RGS12: variants seen among roughly 807,000 people sequenced by gnomAD.
RGS12 encodes the protein regulator of G-protein signaling 12.
Under a neutral mutation model 120.1 loss-of-function variants are expected in RGS12, and 66 were observed. The ratio of observed to expected loss-of-function variants is 0.55; its 90% CI spans 0.45 to 0.67. The LOEUF is 0.67. Ranked by LOEUF, RGS12 falls within the 30% of genes least tolerant of loss-of-function variation. The probability of loss-of-function intolerance (pLI) is 0.00; values close to 1 mark genes in which losing one functional copy is unlikely to be tolerated. For synonymous variants in RGS12, 827 were observed against 804.7 expected, an observed-to-expected ratio of 1.03 and a Z score of -0.47; for missense variants, 1,859 against 1,957.7, an observed-to-expected ratio of 0.95 and a Z score of 0.95.
intron 1 of RGS12, among the ~76,000 whole-genome samples, chr4:3,294,730 A>G (rs892929311): frequency 3.0e-4 from 45 of 152,212 alleles, no homozygotes; most frequent in Non-Finnish European, 8.8e-5. Context: ...AGACCTCCTG[A>G]GGCTGGAACC....
chr4:3,429,978 G>A (rs1017724622), intron 16 of RGS12, among the ~76,000 whole-genome samples: 1 of 152,230 alleles, frequency 6.6e-6, no homozygotes, highest in East Asian at 1.9e-4. Context: ...GACTGCAGCT[G>A]CAGCTGGGAC....
At chr4:3,325,692 A>G (rs1560087777) in intron 2 of RGS12, among the ~76,000 whole-genome samples, 1 of 152,196 alleles carries the variant, frequency 6.6e-6, no homozygotes, top group Non-Finnish European at 1.5e-5. Flanking sequence ...TCATTTTATG[A>G]GGCCAGTATC....
intron 15 of RGS12, 100 bp from the exon 16 acceptor site, chr4:3,428,458 A>G (rs1041122945): frequency 6.5e-5 from 69 of 1,064,262 alleles, no homozygotes; most frequent in Admixed American, 1.4e-4. Flanking sequence ...TTCTGTATCA[A>G]TGCAATCTAT....
At chr4:3,364,518 T>C (rs1716095875) in intron 3 of RGS12, among the ~76,000 whole-genome samples, 1 of 150,776 alleles carries the variant, frequency 6.6e-6, no homozygotes, top group Non-Finnish European at 1.5e-5. Context: ...CTTGGGAGAG[T>C]TGAACAAACA....
intron 4 of RGS12, among the ~76,000 whole-genome samples, chr4:3,387,469 T>C (rs1396007476): frequency 6.6e-6 from 1 of 152,218 alleles, no homozygotes; most frequent in Non-Finnish European, 1.5e-5. Context: ...TCAGAGCCCT[T>C]GTGGGCCAGC....
intron 3 of RGS12, among the ~76,000 whole-genome samples, chr4:3,369,516 T>C (rs1217042540): frequency 6.6e-6 from 1 of 152,094 alleles, no homozygotes; most frequent in Non-Finnish European, 1.5e-5. Flanking sequence ...TGGCGAAGCT[T>C]CCCTCAACCT....
At chr4:3,362,350 CGTGTGAGGGTGT>C (rs1715658738) in intron 3 of RGS12, among the ~76,000 whole-genome samples, 2 of 151,294 alleles carry the variant, frequency 1.3e-5, no homozygotes, top group Non-Finnish European at 3.0e-5. Context: ...AGAGTGTGTG[CGTGTGAGGGTGT>C]GTGTGAGGGT....
chr4:3,286,001 C>T, the RGS12 span, among the ~76,000 whole-genome samples: 20 of 152,354 alleles, frequency 1.3e-4, no homozygotes, highest in African/African-American at 3.4e-4. Flanking sequence ...TGCCGGGCTG[C>T]GCTCCAGGGA....
At chr4:3,362,803 A>G (rs60208975) in intron 3 of RGS12, among the ~76,000 whole-genome samples, 93,519 of 138,668 alleles carry the variant, frequency 0.67, 31,211 homozygotes, top group African/African-American at 0.81. Flanking sequence ...GTGTGTGAAT[A>G]TGAGAGTGAG....
intron 17 of RGS12, among the ~76,000 whole-genome samples, chr4:3,435,142 T>C (rs1167165613): frequency 6.6e-6 from 1 of 152,114 alleles, no homozygotes; most frequent in Non-Finnish European, 1.5e-5. Flanking sequence ...AGGAACACTT[T>C]TGGGCCCAGT....
chr4:3,425,088 TA>T (rs1272933842), intron 13 of RGS12, among the ~76,000 whole-genome samples: 1 of 152,252 alleles, frequency 6.6e-6, no homozygotes, highest in African/African-American at 2.4e-5. Context: ...AACCTGGTCC[TA>T]AAGTTGTCTG....
At chr4:3,436,456 C>T (rs1724813947) in intron 17 of RGS12, among the ~76,000 whole-genome samples, 2 of 152,086 alleles carry the variant, frequency 1.3e-5, no homozygotes, top group African/African-American at 2.4e-5. Context: ...AGCATGGAGG[C>T]AGAGGCTGAG....
intron 4 of RGS12, among the ~76,000 whole-genome samples, chr4:3,400,286 G>T (rs1720448583): frequency 6.6e-6 from 1 of 152,178 alleles, no homozygotes; most frequent in Non-Finnish European, 1.5e-5. Flanking sequence ...ATTTTTTAAT[G>T]CATCCTTGTG....
At chr4:3,309,368 G>A (rs1356131212) in intron 1 of RGS12, among the ~76,000 whole-genome samples, 90 of 136,792 alleles carry the variant, frequency 6.6e-4, no homozygotes, top group Non-Finnish European at 8.0e-4. Context: ...TCCGCTGAGG[G>A]GAACCGTGCA....
At chr4:3,406,681 G>A (rs16844278) in intron 4 of RGS12, among the ~76,000 whole-genome samples, 2 of 152,192 alleles carry the variant, frequency 1.3e-5, no homozygotes, top group Admixed American at 1.3e-4. Flanking sequence ...TGGTGTTAGC[G>A]GATGTTTCCT....
rs1724540591 is a variant in RGS12, at chr4:3,433,594, AGCCCC to A, written c.4114+2640_4114+2644del. On this transcript the variant is annotated intron_variant, in intron 17 of 17. Coordinates refer to ENST00000336727, the MANE Select transcript of RGS12 (RefSeq NM_001394154.1). The surrounding 1 kb of genome is among the most constrained non-coding windows in gnomAD (Gnocchi z 4.4). ...ACCACGTGCCATGCCACCCTGTCCT[AGCCCC>A]AGTGCCACATGCCACACCACCCCAT... Among the ~76,000 whole-genome samples, 1 of 150,950 alleles carries A rather than the reference AGCCCC, an allele frequency of 6.6e-6. No homozygotes were observed.
At chr4:3,340,609 T>C (rs1560098410) in intron 2 of RGS12, among the ~76,000 whole-genome samples, 1 of 152,160 alleles carries the variant, frequency 6.6e-6, no homozygotes, top group Non-Finnish European at 1.5e-5. Flanking sequence ...TCAAGGTGCC[T>C]GCCATCAGGA....
intron 3 of RGS12, among the ~76,000 whole-genome samples, chr4:3,379,716 C>G (rs1345048446): frequency 6.6e-6 from 1 of 152,046 alleles, no homozygotes; most frequent in Non-Finnish European, 1.5e-5. Context: ...GGGGGAAAGC[C>G]CCTTATAAAA....
chr4:3,368,387 C>G (rs115279458), intron 3 of RGS12, among the ~76,000 whole-genome samples: 2,528 of 123,784 alleles, frequency 0.02, 63 homozygotes, highest in African/African-American at 0.069. Flanking sequence ...GTGTGGGTGC[C>G]TGTGTGTGTG....
Sources: allele counts gnomAD v4.1 joint callset (sites outside exome capture counted in the v4.1 genomes callset), GRCh38; gene constraint gnomAD v4.1.1; non-coding constraint Gnocchi (gnomAD v3.1); transcripts MANE v1.5; gene names NCBI Gene and HGNC (gene_info 2026-07-23, HGNC 2026-07-21).